CREB5: variants seen among roughly 807,000 people sequenced by gnomAD.
The protein encoded by CREB5 is cyclic AMP-responsive element-binding protein 5.
In CREB5, 19 loss-of-function variants were observed where a neutral mutation model predicts 57.1. The ratio of observed to expected loss-of-function variants is 0.33; its 90% CI spans 0.23 to 0.49. The LOEUF is 0.49. Among genes scored for constraint, CREB5 ranks in the 20% least tolerant of loss-of-function variants. The pLI, the probability that CREB5 is intolerant of heterozygous loss-of-function variation, is 0.99. For missense variants in CREB5, 579 were observed against 671.6 expected (o/e 0.86, Z 1.52); for synonymous variants, 238 against 238.3 (o/e 1.00, Z 0.01).
intron 1 of CREB5, among the ~76,000 whole-genome samples, chr7:28,443,301 T>A (rs1378676230): frequency 6.6e-6 from 1 of 152,204 alleles, no homozygotes; most frequent in Non-Finnish European, 1.5e-5. Context: ...TGAAGAACTC[T>A]GGGCTTAGAA....
At chr7:28,650,631 G>T (rs2128706375) in intron 5 of CREB5, among the ~76,000 whole-genome samples, 1 of 152,114 alleles carries the variant, frequency 6.6e-6, no homozygotes, top group East Asian at 1.9e-4. Context: ...GTTCAGATTA[G>T]AAGGAAACAA....
At position 28,673,656 on chromosome 7, in the gene CREB5, TC is replaced by T. The variant is rs1176842854; in HGVS notation, c.465-45096del. 8.5e-4 allele frequency among the ~76,000 whole-genome samples: 103 copies of T among 121,156 alleles called. 1 individual carries two copies. Among genetic ancestry groups the T allele is most frequent in the African/African-American group, 3.2e-3 (101 of 31,818 alleles). 79.5% of individuals were successfully genotyped at this position (121,156 alleles called of 152,430 possible). A position where few individuals can be genotyped will look rare whatever the true frequency, so the allele number is the denominator to read the frequency against. On this transcript the variant is annotated intron_variant, in intron 5 of 10. Transcript: ENST00000357727. Reference sequence around the variant, plus strand: ...TGTTGACATGAAGTTTCTCTCTCTCTCTTTTTTTTTTTTTTTTTTTTTTTTT... The same window carrying T: ...TGTTGACATGAAGTTTCTCTCTCTCTTTTTTTTTTTTTTTTTTTTTTTTTT...
chr7:28,503,939 A>AT (rs11405998), intron 3 of CREB5, among the ~76,000 whole-genome samples: 32,561 of 152,022 alleles, frequency 0.21, 3,979 homozygotes, highest in African/African-American at 0.33. Flanking sequence ...ACCAAATGTG[A>AT]TTTTCTTTGC....
intron 5 of CREB5, among the ~76,000 whole-genome samples, chr7:28,601,185 AG>A (rs972076184): frequency 6.6e-6 from 1 of 151,612 alleles, no homozygotes; most frequent in East Asian, 1.9e-4. Context: ...TTTTTTGGAA[AG>A]GGGGGCTCCA....
chr7:28,355,482 A>G (rs1433624812), intron 1 of CREB5, among the ~76,000 whole-genome samples: 5 of 152,226 alleles, frequency 3.3e-5, no homozygotes, highest in Non-Finnish European at 7.3e-5. Flanking sequence ...ATTACAACAT[A>G]CTTTTCCTTC....
intron 1 of CREB5, among the ~76,000 whole-genome samples, chr7:28,421,447 A>G (rs1017661986): frequency 1.3e-5 from 2 of 151,982 alleles, no homozygotes; most frequent in African/African-American, 4.8e-5. Context: ...TTTAATGGTG[A>G]TTTGTGAGAT....
At chr7:28,408,546 G>GA (rs1787639792), upstream of CREB5, among the ~76,000 whole-genome samples, 1 of 152,152 alleles carries the variant, frequency 6.6e-6, no homozygotes, top group South Asian at 2.1e-4. Flanking sequence ...GCCAGTTACC[G>GA]AAGAGGCTCT....
intron 4 of CREB5, among the ~76,000 whole-genome samples, chr7:28,566,836 A>C (rs944603606): frequency 1.3e-5 from 2 of 152,228 alleles, no homozygotes; most frequent in African/African-American, 4.8e-5. Flanking sequence ...TATGTCTTTC[A>C]GGAGCTTTTT....
At chr7:28,594,377 T>C (rs1303793503) in intron 5 of CREB5, among the ~76,000 whole-genome samples, 1 of 152,208 alleles carries the variant, frequency 6.6e-6, no homozygotes, top group Admixed American at 6.5e-5. Context: ...TAAATCTAGT[T>C]ACCGCCCTCC....
At chr7:28,594,312 AG>A (rs1562517756) in intron 5 of CREB5, among the ~76,000 whole-genome samples, 1 of 152,196 alleles carries the variant, frequency 6.6e-6, no homozygotes, top group East Asian at 1.9e-4. Context: ...ATTGAGAGGG[AG>A]GAGTGGATTC....
chr7:28,728,110 T>G (rs1583624567), intron 7 of CREB5, among the ~76,000 whole-genome samples: 1 of 152,168 alleles, frequency 6.6e-6, no homozygotes. Context: ...GCTAGATTTT[T>G]TTATATTTTT....
At chr7:28,700,016 GC>G (rs1391105485) in intron 5 of CREB5, among the ~76,000 whole-genome samples, 1 of 152,118 alleles carries the variant, frequency 6.6e-6, no homozygotes, top group East Asian at 1.9e-4. Flanking sequence ...GTATACAAGG[GC>G]ATCACCTAAA....
At chr7:28,547,894 AC>A (rs1257333067) in intron 4 of CREB5, among the ~76,000 whole-genome samples, 1 of 152,190 alleles carries the variant, frequency 6.6e-6, no homozygotes, top group African/African-American at 2.4e-5. Flanking sequence ...TGCTACACAG[AC>A]CTTGCTTAAT....
intron 1 of CREB5, among the ~76,000 whole-genome samples, chr7:28,322,802 T>G (rs1342925118): frequency 6.6e-6 from 1 of 152,206 alleles, no homozygotes; most frequent in African/African-American, 2.4e-5. Flanking sequence ...TATGGCTGCA[T>G]AGTATTCCAT....
intron 4 of CREB5, among the ~76,000 whole-genome samples, chr7:28,522,384 CTCTT>C (rs1793241459): frequency 7.1e-6 from 1 of 140,710 alleles, no homozygotes; most frequent in Non-Finnish European, 1.5e-5. Context: ...CTATATCCTG[CTCTT>C]TGTTTTTTTT....
intron 4 of CREB5, among the ~76,000 whole-genome samples, chr7:28,519,126 A>G (rs1446992436): frequency 6.6e-6 from 1 of 152,190 alleles, no homozygotes; most frequent in East Asian, 1.9e-4. Flanking sequence ...GTTCACAGAG[A>G]CAATTACACC....
At chr7:28,596,318 C>G (rs1013391156) in intron 5 of CREB5, among the ~76,000 whole-genome samples, 11 of 152,162 alleles carry the variant, frequency 7.2e-5, no homozygotes, top group Non-Finnish European at 1.3e-4. Flanking sequence ...TTCCAAAAGA[C>G]AAAAGAAAGG....
intron 1 of CREB5, among the ~76,000 whole-genome samples, chr7:28,305,886 C>A (rs1296539039): frequency 3.3e-5 from 5 of 152,038 alleles, no homozygotes; most frequent in African/African-American, 1.2e-4. Context: ...TATGCATGAA[C>A]CCATCCAGAT....
chr7:28,325,855 A>G (rs759643140), intron 1 of CREB5, among the ~76,000 whole-genome samples: 2 of 152,236 alleles, frequency 1.3e-5, no homozygotes, highest in Admixed American at 6.5e-5. Context: ...TACTAGCATT[A>G]TGCATTTTGA....
Sources: gnomAD v4.1 joint callset for allele counts (sites outside exome capture counted in the v4.1 genomes callset) on GRCh38, gnomAD v4.1.1 for gene constraint, MANE v1.5 for transcripts, NCBI Gene and HGNC (gene_info 2026-07-23, HGNC 2026-07-21) for gene names.